YIPF4: variants seen among roughly 807,000 people sequenced by gnomAD.
YIPF4 encodes Yip1 domain family member 4.
A neutral mutation model predicts 29.4 loss-of-function variants in YIPF4; 18 were observed. The observed-to-expected ratio is 0.61, with a 90% CI of 0.42 to 0.91. The LOEUF (loss-of-function observed/expected upper bound fraction) is 0.91. Ranked by LOEUF, YIPF4 falls within the 40% of genes least tolerant of loss-of-function variation. YIPF4 has a pLI of 0.00. For synonymous variants in YIPF4, 115 were observed against 104.7 expected (o/e 1.10, Z -0.60); for missense variants, 279 against 282.7 (o/e 0.99, Z 0.09).
At chr2:32,293,046 ATTTTTATTTTTATT>A (rs200307207) in intron 3 of YIPF4, among the ~76,000 whole-genome samples, 10,536 of 149,844 alleles carry the variant, frequency 0.07, 488 homozygotes, top group Admixed American at 0.15. Context: ...GATTATTTTT[ATTTTTATTTTTATT>A]TTTTTATTTT....
intron 1 of YIPF4, among the ~76,000 whole-genome samples, chr2:32,278,856 T>C (rs2030239914): frequency 6.6e-6 from 1 of 152,204 alleles, no homozygotes; most frequent in South Asian, 2.1e-4. Context: ...CAGATTTCCT[T>C]GTATTATTCT....
In YIPF4 at chr2:32,305,529, T is replaced by C; in HGVS notation, c.638T>C (p.Leu213Ser). Residue 213 changes from leucine to serine, a missense_variant, in exon 6 of 6, where the codon TTG (leucine) becomes TCG (serine). Leu to Ser is a moderately radical substitution (Grantham distance 145). Coordinates refer to ENST00000238831, the MANE Select transcript of YIPF4 (RefSeq NM_032312.4). The part of the protein sequence containing the change: ...VFWAAYSAAS[L>S]LVGEEFKTKK... ...TGGGCTGCCTACAGTGCTGCTTCAT[T>C]GTTAGTGGGTGAAGAATTCAAGACC... 1 of 1,611,062 alleles carries C rather than the reference T, an allele frequency of 6.2e-7. No individual in the cohort carries two copies. The highest frequency in any genetic ancestry group is 8.5e-7 in the Non-Finnish European group (1 of 1,178,648).
rs548865263 is a variant in YIPF4 at position 32,281,360 on chromosome 2, G to C, written c.79+3126G>C. 1.3e-3 allele frequency among the ~76,000 whole-genome samples: 192 copies of C among 152,030 alleles called. 1 individual carries two copies. The Middle Eastern group carries it at 0.017, about 13-fold the overall frequency. ...GGGATCAAGTGATTCTCCTGCCTCAGCCTCCTGAGTAACTGGGACTACAGG... is the reference window on the plus strand; with the variant it reads ...GGGATCAAGTGATTCTCCTGCCTCACCCTCCTGAGTAACTGGGACTACAGG... On this transcript the variant is annotated intron_variant, in intron 1 of 5. Coordinates refer to ENST00000238831, the MANE Select transcript of YIPF4 (RefSeq NM_032312.4).
intron 1 of YIPF4, among the ~76,000 whole-genome samples, chr2:32,285,097 G>A (rs528685397): frequency 6.6e-6 from 1 of 152,254 alleles, no homozygotes; most frequent in African/African-American, 2.4e-5. Flanking sequence ...AGGAGTTGAT[G>A]GTTTGCATGA....
At position 32,310,367 on chromosome 2, in the gene YIPF4, C is replaced by A. The variant is rs185361677; in HGVS notation, c.*4741C>A. On this transcript the variant is annotated 3_prime_UTR_variant, in exon 6 of 6. Transcript: ENST00000238831. The stretch of plus-strand genomic sequence containing the variant: ...AATAATACTTTAATTTAGAAAATAC[C>A]CTGAATTAGAAGTGCTTCATTCCTC... 1 of 151,906 alleles carries A rather than the reference C, an allele frequency of 6.6e-6. No individual in the cohort carries two copies. The highest frequency in any genetic ancestry group is 1.5e-5 in the Non-Finnish European group (1 of 67,974). The allele number at this position is 151,906 out of a possible 1,614,324, so 9.4% of individuals were successfully genotyped here. A position where few individuals can be genotyped will look rare whatever the true frequency, so the allele number is the denominator to read the frequency against.
In YIPF4 at chr2:32,305,675, G is replaced by A; in HGVS notation, c.*49G>A. On this transcript the variant is annotated 3_prime_UTR_variant, in exon 6 of 6. Coordinates refer to ENST00000238831, the MANE Select transcript of YIPF4 (RefSeq NM_032312.4). ...AAGATGGTGTTAAATTTGTGTGTAG[G>A]CTGGGAATTCTTGCTGAAGGAATTG... The A allele has an allele frequency of 7.2e-7, 1 of 1,394,226 alleles. No homozygotes were observed. Among genetic ancestry groups the A allele is most frequent in the East Asian group, 2.7e-5 (1 of 37,678 alleles). 86.4% of individuals were successfully genotyped at this position (1,394,226 alleles called of 1,614,324 possible).
At chr2:32,291,155 G>A (rs758206520) in intron 2 of YIPF4, among the ~76,000 whole-genome samples, 2 of 152,212 alleles carry the variant, frequency 1.3e-5, no homozygotes, top group African/African-American at 2.4e-5. Flanking sequence ...CTATAGCTTT[G>A]TAAAATTGAG....
At chr2:32,289,548 C>CA (rs1221510163) in intron 1 of YIPF4, among the ~76,000 whole-genome samples, 1 of 152,168 alleles carries the variant, frequency 6.6e-6, no homozygotes, top group Non-Finnish European at 1.5e-5. Flanking sequence ...GTGACTTGCA[C>CA]TGACAGTATT....
At chr2:32,285,079 A>G (rs1322716875) in intron 1 of YIPF4, among the ~76,000 whole-genome samples, 1 of 152,204 alleles carries the variant, frequency 6.6e-6, no homozygotes, top group African/African-American at 2.4e-5. Context: ...CATTATAATC[A>G]TGCAGACAGG....
intron 3 of YIPF4, among the ~76,000 whole-genome samples, chr2:32,294,327 G>C (rs1359440953): frequency 6.6e-6 from 1 of 150,566 alleles, no homozygotes; most frequent in Non-Finnish European, 1.5e-5. Flanking sequence ...GCTGCCGGGC[G>C]GACGGGCTCC....
At chr2:32,288,683 G>A (rs1427159363) in intron 1 of YIPF4, among the ~76,000 whole-genome samples, 1 of 152,092 alleles carries the variant, frequency 6.6e-6, no homozygotes, top group African/African-American at 2.4e-5. Context: ...GCTGGTACAC[G>A]CCAGTAATCT....
At chr2:32,289,690 G>A (rs941619071) in intron 1 of YIPF4, among the ~76,000 whole-genome samples, 2 of 152,098 alleles carry the variant, frequency 1.3e-5, no homozygotes, top group Non-Finnish European at 2.9e-5. Context: ...GTACTACCAT[G>A]ATTATCTGTA....
At chr2:32,299,150 C>T (rs564089300) in intron 4 of YIPF4, among the ~76,000 whole-genome samples, 28 of 152,218 alleles carry the variant, frequency 1.8e-4, no homozygotes, top group African/African-American at 5.8e-4. Flanking sequence ...CTAGGATTAC[C>T]GGTGTGAACC....
At chr2:32,299,677 A>T (rs1371289643) in intron 4 of YIPF4, among the ~76,000 whole-genome samples, 1 of 151,832 alleles carries the variant, frequency 6.6e-6, no homozygotes, top group East Asian at 1.9e-4. Context: ...ATCCAGGCAT[A>T]GTGGTGTGTG....
rs763736310 is a variant in YIPF4 at position 32,279,900 on chromosome 2, C to CT, written c.79+1681dup. Among the ~76,000 whole-genome samples the CT allele has an allele frequency of 4.6e-3, 588 of 127,524 alleles. 3 individuals are homozygous for CT. Among genetic ancestry groups the CT allele is most frequent in the East Asian group, 0.014 (60 of 4,370 alleles). 83.7% of individuals were successfully genotyped at this position (127,524 alleles called of 152,430 possible). A position where few individuals can be genotyped will look rare whatever the true frequency, so the allele number is the denominator to read the frequency against. On this transcript the variant is annotated intron_variant, in intron 1 of 5. Transcript: ENST00000238831. ...CATTTATTTTTTTTTCTCTTATGTT[C>CT]TTTTTTTTTTTTTTTGAGGTGTGGT... is the stretch of plus-strand genomic sequence containing the variant.
chr2:32,297,913 T>C (rs2031255986), intron 3 of YIPF4, among the ~76,000 whole-genome samples: 1 of 152,112 alleles, frequency 6.6e-6, no homozygotes, highest in African/African-American at 2.4e-5. Context: ...GCTTCAGAAA[T>C]AAATTTTTCT....
In YIPF4 at chr2:32,315,329, G is replaced by T. The variant is rs1326420532; in HGVS notation, c.*9703G>T. 6.6e-6 allele frequency: 1 copy of T among 152,224 alleles called. No homozygotes were observed. The highest frequency in any genetic ancestry group is 1.5e-5 in the Non-Finnish European group (1 of 68,048). 9.4% of individuals were successfully genotyped at this position (152,224 alleles called of 1,614,324 possible). On this transcript the variant is annotated 3_prime_UTR_variant, in exon 6 of 6. Coordinates refer to ENST00000238831, the MANE Select transcript of YIPF4 (RefSeq NM_032312.4). ...CACATAGCCATCCCTTGCTGTAAGAGAGTTGGGGAAAGTATTTTAAGCTGG... is the reference window on the plus strand; with the variant it reads ...CACATAGCCATCCCTTGCTGTAAGATAGTTGGGGAAAGTATTTTAAGCTGG...
At chr2:32,294,502 A>G (rs1343035892) in intron 3 of YIPF4, among the ~76,000 whole-genome samples, 1 of 149,330 alleles carries the variant, frequency 6.7e-6, no homozygotes, top group Non-Finnish European at 1.5e-5. Flanking sequence ...CGCTTCCTAG[A>G]TGGGATGGCG....
chr2:32,281,828 G>C (rs1343808705), intron 1 of YIPF4, among the ~76,000 whole-genome samples: 1 of 149,866 alleles, frequency 6.7e-6, no homozygotes, highest in Non-Finnish European at 1.5e-5. Context: ...CCAGAAGGCA[G>C]AGGTTGCAGT....
Sources: gnomAD v4.1 joint callset for allele counts (sites outside exome capture counted in the v4.1 genomes callset) on GRCh38, gnomAD v4.1.1 for gene constraint, MANE v1.5 for transcripts, NCBI Gene and HGNC (gene_info 2026-07-23, HGNC 2026-07-21) for gene names.